Variants in KATNIP observed in about 807,000 individuals in gnomAD.
The protein encoded by KATNIP is katanin-interacting protein.
KATNIP carries 126 observed loss-of-function variants against 174.0 expected under a neutral mutation model. The ratio of observed to expected loss-of-function variants is 0.72; its 90% confidence interval spans 0.63 to 0.84. The LOEUF (loss-of-function observed/expected upper bound fraction) is 0.84, where lower values mean the gene tolerates loss of function less well. Ranked by LOEUF, KATNIP falls within the 40% of genes least tolerant of loss-of-function variation. KATNIP has a pLI of 0.00. For synonymous variants in KATNIP, 810 were observed against 835.7 expected (o/e 0.97, Z 0.53); for missense variants, 1,958 against 2,109.7 (o/e 0.93, Z 1.41).
At position 27,740,430 on chromosome 16, in the gene KATNIP, G is replaced by A. The variant is rs537154639; in HGVS notation, c.2133G>A (p.Met711Ile). 5 of 1,613,966 alleles carry A rather than the reference G, an allele frequency of 3.1e-6. No individual in the cohort carries two copies. In the African/African-American group the frequency reaches 4.0e-5, roughly 13 times the overall value. The change falls in exon 15 of 28, where the codon ATG becomes ATA. Residue 711 changes from methionine to isoleucine, a missense_variant. Met to Ile is a conservative substitution (Grantham distance 10). Coordinates refer to ENST00000261588, the MANE Select transcript of KATNIP (RefSeq NM_015202.5). ...LSAVPTSMGD[M>I]PSAPATSPPV... ...CAGTCCCCACTTCGATGGGTGACAT[G>A]CCCAGTGCTCCTGCCACTTCCCCAC...
intron 14 of KATNIP, among the ~76,000 whole-genome samples, chr16:27,737,073 A>T (rs2080925092): frequency 6.6e-6 from 1 of 152,116 alleles, no homozygotes; most frequent in Admixed American, 6.5e-5. Context: ...GGAGAAAGTG[A>T]TTTCAGAATT....
intron 5 of KATNIP, among the ~76,000 whole-genome samples, chr16:27,632,805 C>T (rs543988333): frequency 1.3e-5 from 2 of 151,938 alleles, no homozygotes; most frequent in South Asian, 4.2e-4. Flanking sequence ...GGGTGGAGTG[C>T]AGTGGTGTGA....
intron 7 of KATNIP, among the ~76,000 whole-genome samples, chr16:27,680,531 T>C (rs1470431096): frequency 6.6e-6 from 1 of 152,218 alleles, no homozygotes. Context: ...TGTTTTGTTT[T>C]GTTGGTTTTT....
intron 12 of KATNIP, among the ~76,000 whole-genome samples, chr16:27,706,204 A>ATAGC (rs1044592354): frequency 6.6e-6 from 1 of 151,208 alleles, no homozygotes; most frequent in African/African-American, 2.5e-5. Context: ...TGGTCCCCAA[A>ATAGC]TAGCTAGAAT....
intron 2 of KATNIP, among the ~76,000 whole-genome samples, chr16:27,579,973 G>A (rs1365909419): frequency 1.3e-5 from 2 of 152,004 alleles, no homozygotes; most frequent in East Asian, 3.9e-4. Flanking sequence ...GGGGAACACA[G>A]CAATGGAGGG....
intron 13 of KATNIP, among the ~76,000 whole-genome samples, chr16:27,716,151 C>T (rs929369110): frequency 2.0e-5 from 3 of 152,138 alleles, no homozygotes; most frequent in African/African-American, 7.2e-5. Flanking sequence ...CATGCTACAA[C>T]CTGGATGAAC....
At chr16:27,598,257 G>GA (rs1017321879) in intron 2 of KATNIP, among the ~76,000 whole-genome samples, 4 of 116,076 alleles carry the variant, frequency 3.4e-5, no homozygotes, top group Non-Finnish European at 5.7e-5. Context: ...AAAAAAAAAA[G>GA]AATGTGCATT....
intron 5 of KATNIP, chr16:27,632,591 G>T (rs74019403): frequency 2.2e-6 from 1 of 456,512 alleles, no homozygotes. Context: ...AGAGGGGTCA[G>T]AACCACTCCA....
intron 3 of KATNIP, among the ~76,000 whole-genome samples, chr16:27,625,469 A>C (rs997438874): frequency 2.6e-5 from 4 of 152,120 alleles, no homozygotes; most frequent in African/African-American, 9.7e-5. Context: ...CGGTGCCTAC[A>C]TTGTCCCTTG....
Position 27,740,281 on chromosome 16 carries a change from C to T in KATNIP, c.1984C>T (p.Pro662Ser), listed in dbSNP as rs1240937757. The change falls in exon 15 of 28, where the codon CCA (proline) becomes TCA (serine). Residue 662 changes from proline to serine, a missense_variant. Physicochemically the swap from Pro to Ser is moderately conservative, Grantham distance 74 (BLOSUM62 -1). This residue lies in a region of KATNIP where 1,557 missense variants were observed against 1,617.8 expected (regional missense o/e 0.96). Coordinates refer to ENST00000261588, the MANE Select transcript of KATNIP (RefSeq NM_015202.5). Reference sequence around the variant, plus strand: ...GGAGCTTGGTCTCGGTTGCTCACCGCCAGCTGAAACATTAGCGGATGCAAA... The same window carrying T: ...GGAGCTTGGTCTCGGTTGCTCACCGTCAGCTGAAACATTAGCGGATGCAAA... ...DKELGLGCSPPAETLADAKLS... is the reference protein window; with the variant it reads ...DKELGLGCSPSAETLADAKLS... The T allele has an allele frequency of 7.4e-6, 12 of 1,614,108 alleles. No individual in the cohort carries two copies. Among genetic ancestry groups the T allele is most frequent in the Non-Finnish European group, 1.0e-5 (12 of 1,180,050 alleles).
At chr16:27,736,251 C>T (rs1425068350) in intron 14 of KATNIP, among the ~76,000 whole-genome samples, 5 of 152,184 alleles carry the variant, frequency 3.3e-5, no homozygotes, top group Admixed American at 2.6e-4. Flanking sequence ...GATCCATCCA[C>T]CTCGGCCTAC....
intron 23 of KATNIP, among the ~76,000 whole-genome samples, chr16:27,773,980 G>A (rs2082403486): frequency 6.6e-6 from 1 of 152,192 alleles, no homozygotes; most frequent in African/African-American, 2.4e-5. Flanking sequence ...CTGAGACACA[G>A]AGAGATTGAG....
At chr16:27,604,602 T>G (rs1017738538) in intron 2 of KATNIP, among the ~76,000 whole-genome samples, 3 of 152,226 alleles carry the variant, frequency 2.0e-5, no homozygotes, top group Non-Finnish European at 4.4e-5. Flanking sequence ...GTAGAGACTT[T>G]GCTGGGCTCA....
intron 4 of KATNIP, 59 bp from the exon 5 acceptor site, chr16:27,631,006 A>G: frequency 1.5e-6 from 2 of 1,361,848 alleles, no homozygotes; most frequent in East Asian, 5.0e-5. Flanking sequence ...AAACCAACCC[A>G]GTACTGTGAG....
chr16:27,604,133 C>G (rs934013854), intron 2 of KATNIP, among the ~76,000 whole-genome samples: 2 of 152,210 alleles, frequency 1.3e-5, no homozygotes, highest in Admixed American at 6.5e-5. Context: ...GGGTCTCACT[C>G]TGTCACCCAG....
Position 27,763,541 on chromosome 16 carries a change from G to T in KATNIP, c.3809+1951G>T, listed in dbSNP as rs537832892. Among the ~76,000 whole-genome samples, 116 of 149,674 alleles carry T rather than the reference G, an allele frequency of 7.8e-4. 2 individuals are homozygous for T. In the South Asian group the frequency reaches 0.024, roughly 31 times the overall value. On this transcript the variant is annotated intron_variant, in intron 19 of 27. Coordinates refer to ENST00000261588, the MANE Select transcript of KATNIP (RefSeq NM_015202.5). ...GAGGTGGGAGGATCACTTGAGCCCAGGAGTTCAAGGCTGCAGTGAGCCGTG... is the reference window on the plus strand; with the variant it reads ...GAGGTGGGAGGATCACTTGAGCCCATGAGTTCAAGGCTGCAGTGAGCCGTG...
In KATNIP at chr16:27,677,883, C is replaced by T. The variant is rs755156730; in HGVS notation, c.695C>T (p.Pro232Leu). 2.5e-6 allele frequency: 4 copies of T among 1,614,098 alleles called. No homozygotes were observed. In the East Asian group the frequency reaches 8.9e-5, roughly 36 times the overall value. The part of the protein sequence containing the change: ...LVGHPRHDRP[P>L]SSGDWTQKDV... ...GGCCATCCCAGACATGACCGCCCTCCTTCCAGTGGCGACTGGACTCAGAAA... is the reference window on the plus strand; with the variant it reads ...GGCCATCCCAGACATGACCGCCCTCTTTCCAGTGGCGACTGGACTCAGAAA... Residue 232 changes from proline (P) to leucine (L), a missense_variant, in exon 7 of 28, where the codon CCT becomes CTT. Around this residue, in one of 3 missense-constraint regions of KATNIP, gnomAD observed 1,557 missense variants for 1,617.8 expected, o/e 0.96. Coordinates refer to ENST00000261588, the MANE Select transcript of KATNIP (RefSeq NM_015202.5).
chr16:27,746,819 G>A (rs1327659280), intron 15 of KATNIP, among the ~76,000 whole-genome samples: 1 of 152,184 alleles, frequency 6.6e-6, no homozygotes, highest in Non-Finnish European at 1.5e-5. Context: ...AGAGGGGAGG[G>A]GACAGGAGTC....
rs1490136375 is a variant in KATNIP at position 27,771,720 on chromosome 16, C to T, written c.4198+68C>T. ...AGGCAGCGCCTGGGCCGCAACTGCC[C>T]AGCCAGGGTTTCAGGCGGCCACAGA... is the stretch of plus-strand genomic sequence containing the variant. On this transcript the variant is annotated intron_variant, in intron 22 of 27. Transcript: ENST00000261588. 8 of 1,530,458 alleles carry T rather than the reference C, an allele frequency of 5.2e-6. No homozygotes were observed. The African/African-American group carries it at 1.1e-4, about 21-fold the overall frequency. 94.8% of individuals were successfully genotyped at this position (1,530,458 alleles called of 1,614,324 possible). A position where few individuals can be genotyped will look rare whatever the true frequency, so the allele number is the denominator to read the frequency against.
Sources: gnomAD v4.1 joint callset for allele counts (sites outside exome capture counted in the v4.1 genomes callset) on GRCh38, gnomAD v4.1.1 for gene constraint, gnomAD v4.1.1 regional missense constraint, MANE v1.5 for transcripts, NCBI Gene and HGNC (gene_info 2026-07-23, HGNC 2026-07-21) for gene names.